Variants in CNTN5 observed in about 807,000 individuals in gnomAD.
The protein encoded by CNTN5 is contactin-5.
CNTN5 carries 77 observed loss-of-function variants against 129.1 expected under a neutral mutation model. That is an observed-to-expected ratio of 0.60 (90% confidence interval 0.50 to 0.72). The LOEUF (loss-of-function observed/expected upper bound fraction) is 0.72. Among genes scored for constraint, CNTN5 ranks in the 30% least tolerant of loss-of-function variants. The pLI is 0.00. For missense variants in CNTN5, 1,478 were observed against 1,328.8 expected, an observed-to-expected ratio of 1.11 and a Z score of -1.75; for synonymous variants, 509 against 465.6, an observed-to-expected ratio of 1.09 and a Z score of -1.20.
intron 20 of CNTN5, 64 bp downstream of exon 20, chr11:100,299,460 AC>A: frequency 1.1e-6 from 1 of 937,684 alleles, no homozygotes; most frequent in East Asian, 2.8e-5. Context: ...ATAATCAGAC[AC>A]CTTTGTACAC....
At chr11:99,487,318 G>A (rs1397191974) in intron 2 of CNTN5, among the ~76,000 whole-genome samples, 1 of 152,172 alleles carries the variant, frequency 6.6e-6, no homozygotes, top group Non-Finnish European at 1.5e-5. Flanking sequence ...TTCAACAAAG[G>A]AAACTGATGA....
chr11:99,753,651 G>GAA lies in CNTN5; in HGVS notation c.56-65876_56-65875dup, dbSNP rs201045916. On this transcript the variant is annotated intron_variant, in intron 3 of 24. Coordinates refer to ENST00000524871, the MANE Select transcript of CNTN5 (RefSeq NM_014361.4). ...GTGAGTCTCTGTCCAAATTTTTACTGAAAAAAAAAAAAAAAAAACAGGTAA... is the reference window on the plus strand; with the variant it reads ...GTGAGTCTCTGTCCAAATTTTTACTGAAAAAAAAAAAAAAAAAAAACAGGTAA... Among the ~76,000 whole-genome samples the GAA allele has an allele frequency of 3.1e-3, 303 of 96,284 alleles. 1 individual carries two copies. The highest frequency in any genetic ancestry group is 4.7e-3 in the Non-Finnish European group (222 of 47,668). 63.2% of individuals were successfully genotyped at this position (96,284 alleles called of 152,430 possible). A position where few individuals can be genotyped will look rare whatever the true frequency, so the allele number is the denominator to read the frequency against.
rs150106174 is a variant in CNTN5, at chr11:100,039,816, C to A, written c.981-21396C>A. On this transcript the variant is annotated intron_variant, in intron 9 of 24. Coordinates refer to ENST00000524871, the MANE Select transcript of CNTN5 (RefSeq NM_014361.4). ...AGCTCTCATGCCTTGGTTTTCAGCT[C>A]CATCAGGTCCTTTAAGGACTTCTCT... 9.7e-3 allele frequency among the ~76,000 whole-genome samples: 1,473 copies of A among 152,300 alleles called. 7 individuals are homozygous for A. The highest frequency in any genetic ancestry group is 0.015 in the Non-Finnish European group (1,010 of 68,024).
chr11:99,037,323 C>G (rs1477682196), intron 1 of CNTN5, among the ~76,000 whole-genome samples: 1 of 152,122 alleles, frequency 6.6e-6, no homozygotes, highest in Non-Finnish European at 1.5e-5. Context: ...TTTCTTTGCT[C>G]TAAAAGCTTT....
rs997694281 is a variant in CNTN5, at chr11:99,379,297, A to T, written c.-71+53813A>T. On this transcript the variant is annotated intron_variant, in intron 2 of 24. Transcript: ENST00000524871. ...TATACGAATAACTATGATGAAGTTG[A>T]TTTTTTTTATATTATCTCTAACTTA... Among the ~76,000 whole-genome samples the T allele has an allele frequency of 1.1e-4, 17 of 150,816 alleles. No individual in the cohort carries two copies. The East Asian group carries it at 3.3e-3, about 29-fold the overall frequency.
At chr11:100,171,197 G>C (rs1041548228) in intron 13 of CNTN5, among the ~76,000 whole-genome samples, 1 of 151,866 alleles carries the variant, frequency 6.6e-6, no homozygotes, top group Non-Finnish European at 1.5e-5. Flanking sequence ...GCTTAGCCAC[G>C]GTCAAGCTTT....
intron 3 of CNTN5, among the ~76,000 whole-genome samples, chr11:99,756,311 G>T (rs1353379205): frequency 1.3e-5 from 2 of 151,988 alleles, no homozygotes; most frequent in African/African-American, 4.8e-5. Flanking sequence ...CTCTACCTAT[G>T]TTTTTTTATA....
intron 1 of CNTN5, among the ~76,000 whole-genome samples, chr11:99,223,228 A>T (rs1205027200): frequency 6.6e-6 from 1 of 152,118 alleles, no homozygotes; most frequent in African/African-American, 2.4e-5. Context: ...TCAGAGAAAA[A>T]ACATGGATTC....
intron 21 of CNTN5, among the ~76,000 whole-genome samples, chr11:100,316,123 T>A (rs1951568141): frequency 6.6e-6 from 1 of 152,280 alleles, no homozygotes; most frequent in Admixed American, 6.5e-5. Context: ...CATAAAAGGA[T>A]TTTTATGTGC....
At chr11:100,091,921 C>G (rs1015398945) in intron 13 of CNTN5, among the ~76,000 whole-genome samples, 3 of 152,042 alleles carry the variant, frequency 2.0e-5, no homozygotes, top group African/African-American at 7.2e-5. Context: ...GTCCATGACT[C>G]AACCTCACAA....
chr11:99,262,525 A>G (rs1462714499), intron 1 of CNTN5, among the ~76,000 whole-genome samples: 1 of 151,770 alleles, frequency 6.6e-6, no homozygotes, highest in Non-Finnish European at 1.5e-5. Context: ...TACCTCTTTC[A>G]AAATGTTGGC....
chr11:99,615,072 T>C (rs1950718549), intron 3 of CNTN5, among the ~76,000 whole-genome samples: 1 of 143,444 alleles, frequency 7.0e-6, no homozygotes, highest in South Asian at 2.2e-4. Context: ...ATCATAAATA[T>C]ATAAAAATAT....
At chr11:99,458,391 C>T (rs1944569574) in intron 2 of CNTN5, among the ~76,000 whole-genome samples, 1 of 151,914 alleles carries the variant, frequency 6.6e-6, no homozygotes, top group Admixed American at 6.6e-5. Flanking sequence ...AATCAGATTA[C>T]ACTCAGGGCT....
intron 2 of CNTN5, among the ~76,000 whole-genome samples, chr11:99,424,790 T>A (rs11219859): frequency 0.095 from 14,471 of 152,254 alleles, 773 homozygotes; most frequent in South Asian, 0.15. Flanking sequence ...TTCAGCCCTG[T>A]TTGTGTTACA....
intron 1 of CNTN5, among the ~76,000 whole-genome samples, chr11:99,112,982 G>A (rs1259165994): frequency 6.6e-6 from 1 of 151,814 alleles, no homozygotes; most frequent in Non-Finnish European, 1.5e-5. Context: ...TTCTTCTTTT[G>A]TAAATGCCAA....
intron 13 of CNTN5, among the ~76,000 whole-genome samples, chr11:100,116,570 C>T (rs981019493): frequency 1.3e-5 from 2 of 151,418 alleles, no homozygotes; most frequent in Non-Finnish European, 2.9e-5. Context: ...AGTATAAACC[C>T]AGTTTGTTTC....
chr11:99,626,365 G>C (rs1449602517), intron 3 of CNTN5, among the ~76,000 whole-genome samples: 1 of 152,108 alleles, frequency 6.6e-6, no homozygotes, highest in Non-Finnish European at 1.5e-5. Context: ...CGGAATAATA[G>C]AAGGACACTT....
chr11:99,823,018 C>T (rs1370443054), intron 4 of CNTN5, among the ~76,000 whole-genome samples: 1 of 152,184 alleles, frequency 6.6e-6, no homozygotes, highest in African/African-American at 2.4e-5. Context: ...AAGTGAAGGA[C>T]TCAGTTCAAC....
intron 1 of CNTN5, among the ~76,000 whole-genome samples, chr11:99,259,335 T>C (rs952699609): frequency 2.0e-5 from 3 of 151,884 alleles, no homozygotes; most frequent in Non-Finnish European, 4.4e-5. Flanking sequence ...TTAGTATGTT[T>C]ACACATAAGT....
Sources: gnomAD v4.1 joint callset for allele counts (sites outside exome capture counted in the v4.1 genomes callset) on GRCh38, gnomAD v4.1.1 for gene constraint, MANE v1.5 for transcripts, NCBI Gene and HGNC (gene_info 2026-07-23, HGNC 2026-07-21) for gene names.